DCDC1: variants seen among roughly 807,000 people sequenced by gnomAD.
DCDC1 encodes doublecortin domain containing 1, also known as doublecortin domain-containing protein 1.
DCDC1 carries 200 observed loss-of-function variants against 178.3 expected under a neutral mutation model. That is an observed-to-expected ratio of 1.12 (90% confidence interval 1.00 to 1.26). The LOEUF (loss-of-function observed/expected upper bound fraction) is 1.26. Among genes scored for constraint, DCDC1 ranks in the 50% most tolerant of loss-of-function variants. The pLI, the probability that DCDC1 is intolerant of heterozygous loss-of-function variation, is 0.00. For synonymous variants in DCDC1, 690 were observed against 604.8 expected, an observed-to-expected ratio of 1.14 and a Z score of -2.07; for missense variants, 1,983 against 1,749.2, an observed-to-expected ratio of 1.13 and a Z score of -2.38.
chr11:30,973,885 T>G (rs551261409), intron 20 of DCDC1, among the ~76,000 whole-genome samples: 2 of 151,820 alleles, frequency 1.3e-5, no homozygotes, highest in East Asian at 3.9e-4. Flanking sequence ...TTAGACCAAA[T>G]GGACTAAACA....
At chr11:31,333,596 T>C (rs1387853958) in intron 2 of DCDC1, among the ~76,000 whole-genome samples, 1 of 152,190 alleles carries the variant, frequency 6.6e-6, no homozygotes, top group East Asian at 1.9e-4. Flanking sequence ...TCTCTCAGCA[T>C]TTGCTTGTCT....
intron 20 of DCDC1, among the ~76,000 whole-genome samples, chr11:30,985,018 CA>C (rs1407992133): frequency 5.9e-5 from 9 of 152,306 alleles, no homozygotes; most frequent in African/African-American, 1.9e-4. Context: ...CCACAGAGAT[CA>C]GATGATTCCT....
At chr11:31,026,101 T>C (rs984339744) in intron 20 of DCDC1, among the ~76,000 whole-genome samples, 14 of 151,834 alleles carry the variant, frequency 9.2e-5, no homozygotes, top group Admixed American at 6.6e-5. Flanking sequence ...TCAAATATCA[T>C]TTAAACTCAT....
At chr11:31,068,452 C>T (rs1442966540) in intron 18 of DCDC1, among the ~76,000 whole-genome samples, 1 of 151,982 alleles carries the variant, frequency 6.6e-6, no homozygotes, top group Non-Finnish European at 1.5e-5. Flanking sequence ...ATGTGCATCA[C>T]CAGGAAAATT....
chr11:31,292,884 G>A (rs997252483), intron 6 of DCDC1, among the ~76,000 whole-genome samples: 1 of 151,900 alleles, frequency 6.6e-6, no homozygotes, highest in Admixed American at 6.6e-5. Flanking sequence ...AAAAAAATAT[G>A]AATGAATTAT....
chr11:31,228,119 A>C (rs1975251155), intron 9 of DCDC1, among the ~76,000 whole-genome samples: 1 of 152,138 alleles, frequency 6.6e-6, no homozygotes, highest in African/African-American at 2.4e-5. Context: ...ACATTGAAGA[A>C]CACTCAAATC....
intron 20 of DCDC1, among the ~76,000 whole-genome samples, chr11:31,039,926 A>G (rs1954317775): frequency 6.6e-6 from 1 of 152,142 alleles, no homozygotes; most frequent in Non-Finnish European, 1.5e-5. Flanking sequence ...GTGAATGTTT[A>G]TTTTTATTGA....
At chr11:31,236,758 T>C (rs1976512809) in intron 9 of DCDC1, among the ~76,000 whole-genome samples, 1 of 151,994 alleles carries the variant, frequency 6.6e-6, no homozygotes, top group African/African-American at 2.4e-5. Context: ...TATCACACTA[T>C]TTTCATGTTT....
chr11:30,976,377 T>C (rs1205105552), intron 20 of DCDC1, among the ~76,000 whole-genome samples: 1 of 151,878 alleles, frequency 6.6e-6, no homozygotes, highest in Non-Finnish European at 1.5e-5. Context: ...AAGTAAACAA[T>C]CAACAAAGTA....
intron 8 of DCDC1, 66 bp downstream of exon 8, chr11:31,265,441 G>A (rs1029648949): frequency 3.3e-6 from 3 of 899,904 alleles, no homozygotes; most frequent in Non-Finnish European, 3.1e-6. Context: ...AATGTTTAAA[G>A]TAAAAACAAA....
At chr11:31,077,753 G>T (rs1956952159) in intron 18 of DCDC1, 112 bp downstream of exon 18, 1 of 581,998 alleles carries the variant, frequency 1.7e-6, no homozygotes, top group South Asian at 2.2e-5. Flanking sequence ...ACAGAGTGAA[G>T]TCATATATGC....
intron 20 of DCDC1, among the ~76,000 whole-genome samples, chr11:30,964,818 T>C (rs1039423368): frequency 3.9e-5 from 6 of 152,274 alleles, no homozygotes; most frequent in Admixed American, 1.3e-4. Context: ...GAGGGGCCAA[T>C]AGGCAGAATG....
At position 31,297,351 on chromosome 11, in the gene DCDC1, C is replaced by A. The variant is rs144437915; in HGVS notation, c.755-6499G>T. Among the ~76,000 whole-genome samples, 21 of 144,022 alleles carry A rather than the reference C, an allele frequency of 1.5e-4. No individual in the cohort carries two copies. The East Asian group carries it at 4.1e-3, about 28-fold the overall frequency. 94.5% of individuals were successfully genotyped at this position (144,022 alleles called of 152,430 possible). A position where few individuals can be genotyped will look rare whatever the true frequency, so the allele number is the denominator to read the frequency against. ...TACTTTGAATTTCTAGGAAAACATACTAGCCATTTTTTTTTTAATTTTTTT... is the reference window on the plus strand; with the variant it reads ...TACTTTGAATTTCTAGGAAAACATAATAGCCATTTTTTTTTTAATTTTTTT... On this transcript the variant is annotated intron_variant, in intron 6 of 38. Coordinates refer to ENST00000684477, the MANE Select transcript of DCDC1 (RefSeq NM_001387274.1).
chr11:31,036,034 C>A (rs1954003971), intron 20 of DCDC1, among the ~76,000 whole-genome samples: 1 of 152,116 alleles, frequency 6.6e-6, no homozygotes, highest in African/African-American at 2.4e-5. Flanking sequence ...CTTCAACATG[C>A]CCCCATTTTA....
intron 9 of DCDC1, among the ~76,000 whole-genome samples, chr11:31,234,958 G>A (rs181512764): frequency 4.6e-5 from 7 of 152,272 alleles, no homozygotes; most frequent in African/African-American, 1.7e-4. Flanking sequence ...GTAGGTGGTT[G>A]AGTAATTTAA....
rs188180358 is a variant in DCDC1, at chr11:30,899,692, G to T, written c.4664-50C>A. ...TTTTATCAACAGTAATTTATCACGC[G>T]CACCAATAATTTATAAAGAACTTTC... On this transcript the variant is annotated intron_variant, in intron 33 of 38. Transcript: ENST00000684477. 1.4e-4 allele frequency: 178 copies of T among 1,253,668 alleles called. 1 individual carries two copies. The Middle Eastern group carries it at 6.8e-3, about 48-fold the overall frequency. 77.7% of individuals were successfully genotyped at this position (1,253,668 alleles called of 1,614,324 possible). A position where few individuals can be genotyped will look rare whatever the true frequency, so the allele number is the denominator to read the frequency against.
intron 8 of DCDC1, among the ~76,000 whole-genome samples, chr11:31,255,726 C>T (rs1243930821): frequency 6.6e-6 from 1 of 152,102 alleles, no homozygotes; most frequent in Non-Finnish European, 1.5e-5. Flanking sequence ...AGGTTTTAAA[C>T]CCTTTTCAGA....
chr11:30,897,553 A>G lies in DCDC1; in HGVS notation c.4765+1988T>C, dbSNP rs192478653. The stretch of plus-strand genomic sequence containing the variant: ...AGCTGAGATCGCACCGCTGGACTCC[A>G]GCCTGGGCGACAGAACAAGACTCCG... On this transcript the variant is annotated intron_variant, in intron 34 of 38. Coordinates refer to ENST00000684477, the MANE Select transcript of DCDC1 (RefSeq NM_001387274.1). Among the ~76,000 whole-genome samples, 1,108 of 135,134 alleles carry G rather than the reference A, an allele frequency of 8.2e-3. 5 individuals are homozygous for G. Among genetic ancestry groups the G allele is most frequent in the Non-Finnish European group, 0.011 (708 of 64,692 alleles). 88.7% of individuals were successfully genotyped at this position (135,134 alleles called of 152,430 possible). A position where few individuals can be genotyped will look rare whatever the true frequency, so the allele number is the denominator to read the frequency against.
At chr11:31,367,390 A>G (rs1952017119) in intron 1 of DCDC1, among the ~76,000 whole-genome samples, 1 of 152,256 alleles carries the variant, frequency 6.6e-6, no homozygotes, top group Admixed American at 6.5e-5. Flanking sequence ...AAAAAACCCC[A>G]ATAAACAAAA....
Sources: gnomAD v4.1 joint callset for allele counts (sites outside exome capture counted in the v4.1 genomes callset) on GRCh38, gnomAD v4.1.1 for gene constraint, MANE v1.5 for transcripts, NCBI Gene and HGNC (gene_info 2026-07-23, HGNC 2026-07-21) for gene names.